Variants in FCHO2 observed in about 807,000 individuals in gnomAD.
FCHO2 encodes F-BAR domain only protein 2.
FCHO2 carries 43 observed loss-of-function variants against 114.1 expected under a neutral mutation model. That is an observed-to-expected ratio of 0.38 (90% CI 0.30 to 0.49). The LOEUF is 0.49. FCHO2 is among the 20% of genes least tolerant of loss of function. FCHO2 has a pLI of 0.97. For missense variants in FCHO2, 807 were observed against 950.4 expected, an observed-to-expected ratio of 0.85 and a Z score of 1.98; for synonymous variants, 293 against 315.2, an observed-to-expected ratio of 0.93 and a Z score of 0.75.
At chr5:72,991,781 A>G (rs367995596) in intron 5 of FCHO2, among the ~76,000 whole-genome samples, 17 of 152,218 alleles carry the variant, frequency 1.1e-4, no homozygotes, top group Admixed American at 7.9e-4. Context: ...AATTGTACCA[A>G]TTGTATGATT....
At chr5:72,980,172 C>G (rs1050423214) in intron 2 of FCHO2, among the ~76,000 whole-genome samples, 1 of 152,176 alleles carries the variant, frequency 6.6e-6, no homozygotes, top group East Asian at 1.9e-4. Flanking sequence ...TTTCAAAGAA[C>G]TTACTTATTT....
At chr5:72,975,509 T>G (rs1049634931) in intron 2 of FCHO2, among the ~76,000 whole-genome samples, 2 of 151,248 alleles carry the variant, frequency 1.3e-5, no homozygotes, top group Non-Finnish European at 3.0e-5. Flanking sequence ...GTATTATTCT[T>G]TTTTTTTTGA....
chr5:73,022,826 C>G (rs1246811705), intron 8 of FCHO2, among the ~76,000 whole-genome samples: 2 of 152,220 alleles, frequency 1.3e-5, no homozygotes, highest in Non-Finnish European at 2.9e-5. Flanking sequence ...TCTTTTCTTT[C>G]ATTTTTGCTT....
In FCHO2 at chr5:73,041,317, TA is replaced by T; in HGVS notation, c.939+4del. 6.8e-7 allele frequency: 1 copy of T among 1,468,142 alleles called. No homozygotes were observed. Among genetic ancestry groups the T allele is most frequent in the South Asian group, 1.2e-5 (1 of 86,322 alleles). The allele number at this position is 1,468,142 out of a possible 1,614,324, so 90.9% of individuals were successfully genotyped here. ...GAATGTCCTGATGCAGATTCATTGG[TA>T]AGTAGATTTAACTTTGATATAAACA... On this transcript the variant is annotated splice_donor_region_variant and intron_variant, in intron 11 of 25. Coordinates refer to ENST00000430046, the MANE Select transcript of FCHO2 (RefSeq NM_138782.3).
intron 2 of FCHO2, among the ~76,000 whole-genome samples, chr5:72,977,070 G>A (rs2112630097): frequency 6.6e-6 from 1 of 152,300 alleles, no homozygotes; most frequent in East Asian, 1.9e-4. Context: ...ATTGTGAACA[G>A]TGCTGCAATA....
In FCHO2 at chr5:73,087,715, G is replaced by A. The variant is rs763295354; in HGVS notation, c.2372G>A (p.Gly791Asp). ...GTAGATTTCGAACTTGTGGGCACTG[G>A]CTATAGGCTTTCCTTAATAAAGAAG... The part of the protein sequence containing the change: ...SGVDFELVGT[G>D]YRLSLIKKRF... Residue 791 changes from glycine (G) to aspartate (D), a missense_variant, in exon 25 of 26, where the codon GGC becomes GAC. Transcript: ENST00000430046. 1.8e-5 allele frequency: 28 copies of A among 1,599,130 alleles called. No homozygotes were observed. Among genetic ancestry groups the A allele is most frequent in the Non-Finnish European group, 2.4e-5 (28 of 1,174,664 alleles).
intron 19 of FCHO2, 83 bp from the exon 20 acceptor site, chr5:73,074,659 G>C (rs999980844): frequency 1.5e-6 from 2 of 1,291,812 alleles, no homozygotes; most frequent in South Asian, 1.3e-5. Context: ...GTTTGTGACA[G>C]CCTAACAATG....
chr5:73,048,050 C>A (rs923629193), intron 11 of FCHO2, among the ~76,000 whole-genome samples: 44 of 150,860 alleles, frequency 2.9e-4, no homozygotes, highest in African/African-American at 1.0e-3. Flanking sequence ...GCCAGCTCTA[C>A]TGCTGGTCTC....
intron 5 of FCHO2, chr5:72,997,733 G>T: frequency 6.9e-7 from 1 of 1,452,218 alleles, no homozygotes; most frequent in Non-Finnish European, 9.2e-7. Context: ...CCAATGTGAG[G>T]ACTGCCTGGG....
chr5:73,045,437 A>AT (rs1367364552), intron 11 of FCHO2, among the ~76,000 whole-genome samples: 1 of 152,120 alleles, frequency 6.6e-6, no homozygotes, highest in Non-Finnish European at 1.5e-5. Flanking sequence ...TGAATAGTTT[A>AT]TTTTTTATTG....
intron 5 of FCHO2, among the ~76,000 whole-genome samples, chr5:72,999,877 A>G (rs1349664352): frequency 6.6e-6 from 1 of 152,238 alleles, no homozygotes; most frequent in Non-Finnish European, 1.5e-5. Flanking sequence ...TTTTATTATC[A>G]TAGGTAATGT....
intron 22 of FCHO2, among the ~76,000 whole-genome samples, chr5:73,079,224 C>A (rs555253808): frequency 6.6e-5 from 10 of 152,124 alleles, no homozygotes; most frequent in Non-Finnish European, 1.5e-4. Context: ...CTTAGCCTCC[C>A]GAGTGACTGG....
At chr5:73,062,024 T>G (rs1331876148) in intron 17 of FCHO2, among the ~76,000 whole-genome samples, 2 of 152,096 alleles carry the variant, frequency 1.3e-5, no homozygotes, top group Non-Finnish European at 2.9e-5. Context: ...AGTTAATGTC[T>G]GAGGGCAGAT....
At chr5:73,081,053 TG>T (rs1743075024) in intron 22 of FCHO2, among the ~76,000 whole-genome samples, 1 of 152,114 alleles carries the variant, frequency 6.6e-6, no homozygotes, top group East Asian at 1.9e-4. Context: ...GAGGCTGCAG[TG>T]AGCCATGAGC....
chr5:73,043,841 A>G (rs1756927150), intron 11 of FCHO2, among the ~76,000 whole-genome samples: 1 of 152,178 alleles, frequency 6.6e-6, no homozygotes, highest in South Asian at 2.1e-4. Flanking sequence ...TGATCAGTAG[A>G]GAAAGGAGAC....
chr5:72,977,161 A>G (rs1752936361), intron 2 of FCHO2, among the ~76,000 whole-genome samples: 2 of 152,180 alleles, frequency 1.3e-5, no homozygotes, highest in Admixed American at 1.3e-4. Context: ...TTGCTGGGTC[A>G]AATGATATTT....
intron 2 of FCHO2, among the ~76,000 whole-genome samples, chr5:72,974,241 C>G (rs1186549922): frequency 0.029 from 3,645 of 125,762 alleles, 75 homozygotes; most frequent in Middle Eastern, 0.062. Context: ...GAGCTGAGTT[C>G]AATTCCTGGG....
chr5:72,996,528 C>A (rs1186906995), intron 5 of FCHO2, among the ~76,000 whole-genome samples: 3 of 147,696 alleles, frequency 2.0e-5, no homozygotes, highest in Non-Finnish European at 4.5e-5. Flanking sequence ...TCTCTGCTTA[C>A]CCCCCTCCCT....
Position 73,078,311 on chromosome 5 carries a change from A to T in FCHO2, c.1979A>T (p.Gln660Leu). ...TATAATGTAGATGTATTAAAGTATC[A>T]GGTGAGTGTCACGACATTGCAAAAA... ...SYYNVDVLKY[Q>L]VSSNGIQSTP... The change falls in exon 22 of 26, where the codon CAG becomes CTG. Residue 660 changes from glutamine to leucine, a missense_variant and splice_region_variant. By Grantham distance (113) the Gln-to-Leu change is moderately radical (BLOSUM62 -2). Coordinates refer to ENST00000430046, the MANE Select transcript of FCHO2 (RefSeq NM_138782.3). 6.3e-7 allele frequency: 1 copy of T among 1,593,138 alleles called. No homozygotes were observed.
Sources: gnomAD v4.1 joint callset for allele counts (sites outside exome capture counted in the v4.1 genomes callset) on GRCh38, gnomAD v4.1.1 for gene constraint, MANE v1.5 for transcripts, NCBI Gene and HGNC (gene_info 2026-07-23, HGNC 2026-07-21) for gene names.